ANGPT2: variants seen among roughly 807,000 people sequenced by gnomAD.
The protein encoded by ANGPT2 is angiopoietin 2, also known as angiopoietin-2.
ANGPT2 carries 28 observed loss-of-function variants against 62.9 expected under a neutral mutation model. The ratio of observed to expected loss-of-function variants is 0.44; its 90% CI spans 0.33 to 0.61. The LOEUF (loss-of-function observed/expected upper bound fraction) is 0.61. Ranked by LOEUF, ANGPT2 falls within the 20% of genes least tolerant of loss-of-function variation. The probability of loss-of-function intolerance (pLI) is 0.03; values close to 1 mark genes in which losing one functional copy is unlikely to be tolerated. For missense variants in ANGPT2, 727 were observed against 594.9 expected (o/e 1.22, Z -2.31); for synonymous variants, 284 against 207.8 (o/e 1.37, Z -3.15).
chr8:6,524,919 T>C (rs1031349367), intron 3 of ANGPT2, among the ~76,000 whole-genome samples: 4 of 152,236 alleles, frequency 2.6e-5, no homozygotes, highest in Non-Finnish European at 5.9e-5. Flanking sequence ...ATCCCACCTC[T>C]GCACATGGCT....
In ANGPT2 at chr8:6,503,133, T is replaced by A. The variant is rs1235596316; in HGVS notation, c.1456A>T (p.Thr486Ser). 6.2e-7 allele frequency: 1 copy of A among 1,614,104 alleles called. No individual in the cohort carries two copies. Among genetic ancestry groups the A allele is most frequent in the Non-Finnish European group, 8.5e-7 (1 of 1,180,050 alleles). Residue 486 changes from threonine (T) to serine (S), a missense_variant, in exon 9 of 9, where the codon ACA (threonine) becomes TCA (serine). Thr to Ser is a moderately conservative substitution (Grantham distance 58). Coordinates refer to ENST00000629816, the MANE Select transcript of ANGPT2 (RefSeq NM_001118887.2). ...TCTGCTGGTCGGATCATCATGGTTG[T>A]GGCCTTGAGCGAATAGCCTGAGCCT... Reference protein sequence around the residue: ...WKGSGYSLKATTMMIRPADF With the variant: ...WKGSGYSLKASTMMIRPADF
At chr8:6,509,135 T>C (rs897634665) in intron 7 of ANGPT2, 73 bp from the exon 8 acceptor site, 8 of 1,554,502 alleles carry the variant, frequency 5.1e-6, no homozygotes, top group Non-Finnish European at 7.0e-6. Flanking sequence ...TTTTTTGTGA[T>C]GAAGAATTCC....
chr8:6,534,569 G>C (rs1446458990), intron 1 of ANGPT2, among the ~76,000 whole-genome samples: 1 of 152,174 alleles, frequency 6.6e-6, no homozygotes, highest in East Asian at 1.9e-4. Context: ...ACATCTGGCT[G>C]AAGCCTTAGT....
At chr8:6,517,713 A>G (rs867839625) in intron 5 of ANGPT2, among the ~76,000 whole-genome samples, 1 of 152,170 alleles carries the variant, frequency 6.6e-6, no homozygotes, top group Non-Finnish European at 1.5e-5. Flanking sequence ...GGCTGAGGGT[A>G]TCATTGTTCT....
rs560719284 is a variant in ANGPT2 at position 6,547,354 on chromosome 8, C to G, written c.289-14867G>C. On this transcript the variant is annotated intron_variant, in intron 1 of 8. Transcript: ENST00000629816. ...TCAGTTCTGGAGGTCCGCCCCCTCT[C>G]TTTAACCCTCTTGCCTTGCATATGT... is the stretch of plus-strand genomic sequence containing the variant. Among the ~76,000 whole-genome samples the G allele has an allele frequency of 1.1e-4, 17 of 152,220 alleles. No homozygotes were observed. In the East Asian group the frequency reaches 2.3e-3, roughly 21 times the overall value.
Position 6,562,632 on chromosome 8 carries a change from G to T in ANGPT2, c.288+15C>A. The T allele has an allele frequency of 7.6e-7, 1 of 1,312,442 alleles. No individual in the cohort carries two copies. Among genetic ancestry groups the T allele is most frequent in the South Asian group, 1.3e-5 (1 of 78,036 alleles). 81.3% of individuals were successfully genotyped at this position (1,312,442 alleles called of 1,614,324 possible). A position where few individuals can be genotyped will look rare whatever the true frequency, so the allele number is the denominator to read the frequency against. On this transcript the variant is annotated intron_variant, in intron 1 of 8. Transcript: ENST00000629816. ...TAATAGCATGTTCACAAAGACAGAT[G>T]GATTTTTTTCCTACCTTCATTAGCC...
intron 1 of ANGPT2, among the ~76,000 whole-genome samples, chr8:6,534,406 T>G (rs1449226861): frequency 3.9e-5 from 6 of 152,132 alleles, no homozygotes; most frequent in African/African-American, 1.4e-4. Context: ...GATTTTGGTA[T>G]TCTCGGGAAT....
chr8:6,549,771 T>C (rs1427694246), intron 1 of ANGPT2, among the ~76,000 whole-genome samples: 1 of 152,118 alleles, frequency 6.6e-6, no homozygotes, highest in Non-Finnish European at 1.5e-5. Flanking sequence ...CAGCAAGTCC[T>C]CTATATCTTG....
At chr8:6,507,016 G>T (rs975855226) in intron 8 of ANGPT2, among the ~76,000 whole-genome samples, 3 of 151,886 alleles carry the variant, frequency 2.0e-5, no homozygotes, top group African/African-American at 4.8e-5. Flanking sequence ...TCCTGCCTCA[G>T]CCTCCTGAGT....
chr8:6,520,316 C>T (rs766610127), intron 4 of ANGPT2, among the ~76,000 whole-genome samples: 1 of 152,158 alleles, frequency 6.6e-6, no homozygotes, highest in Admixed American at 6.5e-5. Flanking sequence ...TTTTGAAGAT[C>T]TTTCATCTTG....
Position 6,500,220 on chromosome 8 carries a change from G to A in ANGPT2, c.*2881C>T, listed in dbSNP as rs1811881483. 4 of 403,484 alleles carry A rather than the reference G, an allele frequency of 9.9e-6. No homozygotes were observed. The East Asian group carries it at 1.6e-4, about 16-fold the overall frequency. The allele number at this position is 403,484 out of a possible 1,614,324, so 25.0% of individuals were successfully genotyped here. A position where few individuals can be genotyped will look rare whatever the true frequency, so the allele number is the denominator to read the frequency against. On this transcript the variant is annotated 3_prime_UTR_variant, in exon 9 of 9. Transcript: ENST00000629816. ...TGAAAAAAGACTGAATTCTTGGGCA[G>A]GTAGTCTTATATCTTGCTTAATGTT...
intron 7 of ANGPT2, among the ~76,000 whole-genome samples, chr8:6,510,057 T>C (rs927162642): frequency 6.6e-6 from 1 of 152,162 alleles, no homozygotes; most frequent in South Asian, 2.1e-4. Flanking sequence ...GTTGAACCAT[T>C]GTAAGCTGAA....
In ANGPT2 at chr8:6,538,750, T is replaced by C. The variant is rs538467285; in HGVS notation, c.289-6263A>G. On this transcript the variant is annotated intron_variant, in intron 1 of 8. Coordinates refer to ENST00000629816, the MANE Select transcript of ANGPT2 (RefSeq NM_001118887.2). ...ATTTTAAATCTCCACAGACAATAGGTTAATGTTCTTGCTTGCTTGGTGAAG... is the reference window on the plus strand; with the variant it reads ...ATTTTAAATCTCCACAGACAATAGGCTAATGTTCTTGCTTGCTTGGTGAAG... Among the ~76,000 whole-genome samples, 6 of 152,342 alleles carry C rather than the reference T, an allele frequency of 3.9e-5. No individual in the cohort carries two copies. The South Asian group carries it at 1.2e-3, about 32-fold the overall frequency.
chr8:6,532,523 C>T lies in ANGPT2; in HGVS notation c.289-36G>A, dbSNP rs1363743344. On this transcript the variant is annotated intron_variant, in intron 1 of 8. Coordinates refer to ENST00000629816, the MANE Select transcript of ANGPT2 (RefSeq NM_001118887.2). ...ACAGTGTTAGAAGGCAGTCATTAGT[C>T]AAATGACCGGAAACCTGATTCCTAA... 6 of 1,511,424 alleles carry T rather than the reference C, an allele frequency of 4.0e-6. No individual in the cohort carries two copies. The East Asian group carries it at 1.2e-4, about 31-fold the overall frequency. 93.6% of individuals were successfully genotyped at this position (1,511,424 alleles called of 1,614,324 possible).
Position 6,513,710 on chromosome 8 carries a change from A to G in ANGPT2, c.1164T>C (p.His388=), listed in dbSNP as rs1269824738. The G allele has an allele frequency of 2.5e-6, 4 of 1,613,090 alleles. No individual in the cohort carries two copies. The Middle Eastern group carries it at 5.0e-4, about 200-fold the overall frequency. The change falls in exon 7 of 9, where the codon CAT becomes CAC. Residue 388 remains histidine, a synonymous_variant. Coordinates refer to ENST00000629816, the MANE Select transcript of ANGPT2 (RefSeq NM_001118887.2). ...TGAGTTCTTCACTTGAGAGATAGAA[A>G]TGTTCATACAATGAGTAAGCCTCAT... ...EGNEAYSLYE[H]FYLSSEELNY...
chr8:6,508,975 G>A lies in ANGPT2; in HGVS notation c.1284C>T (p.Asp428=). ...AACATTTGCAAATACATTTGTCGTTGTCTCCATCCTTTGTGCTAAAATCAT... is the reference window on the plus strand; with the variant it reads ...AACATTTGCAAATACATTTGTCGTTATCTCCATCCTTTGTGCTAAAATCAT... The part of the protein sequence containing the change: ...PGNDFSTKDG[D]NDKCICKCSQ... Residue 428 remains aspartate, a synonymous_variant, in exon 8 of 9, where the codon GAC becomes GAT. Coordinates refer to ENST00000629816, the MANE Select transcript of ANGPT2 (RefSeq NM_001118887.2). 1 of 1,614,106 alleles carries A rather than the reference G, an allele frequency of 6.2e-7. No individual in the cohort carries two copies. Among genetic ancestry groups the A allele is most frequent in the Non-Finnish European group, 8.5e-7 (1 of 1,180,018 alleles).
In ANGPT2 at chr8:6,525,644, G is replaced by A. The variant is rs117576632; in HGVS notation, c.566+1911C>T. Among the ~76,000 whole-genome samples, 127 of 151,858 alleles carry A rather than the reference G, an allele frequency of 8.4e-4. 3 individuals are homozygous for A. The East Asian group carries it at 0.024, about 28-fold the overall frequency. On this transcript the variant is annotated intron_variant, in intron 3 of 8. Transcript: ENST00000629816. ...TGCATATTTTTGTAATGATATACTT[G>A]CAAATAAAATCATAGGCCAGTCAGA...
At chr8:6,552,538 A>G (rs1208509984) in intron 1 of ANGPT2, among the ~76,000 whole-genome samples, 1 of 152,164 alleles carries the variant, frequency 6.6e-6, no homozygotes, top group African/African-American at 2.4e-5. Context: ...TGGAATTATA[A>G]CCTTTAACTA....
chr8:6,530,813 C>T (rs1389180153), intron 2 of ANGPT2, among the ~76,000 whole-genome samples: 2 of 152,186 alleles, frequency 1.3e-5, no homozygotes, highest in Non-Finnish European at 2.9e-5. Context: ...CTCATCCAAC[C>T]ATTTTTAGGA....
Sources: allele counts gnomAD v4.1 joint callset (sites outside exome capture counted in the v4.1 genomes callset), GRCh38; gene constraint gnomAD v4.1.1; transcripts MANE v1.5; gene names NCBI Gene and HGNC (gene_info 2026-07-23, HGNC 2026-07-21).